The following SPMAP2L variants were observed in gnomAD, a reference collection of about 807,000 sequenced individuals.
SPMAP2L encodes the protein sperm microtubule associated protein 2-like.
the SPMAP2L span, among the ~76,000 whole-genome samples, chr4:56,606,802 A>G: frequency 6.6e-6 from 1 of 152,214 alleles, no homozygotes; most frequent in African/African-American, 2.4e-5. Flanking sequence ...TAATTTAAGC[A>G]TGGGGTGATG....
chr4:56,532,370 CT>C, the SPMAP2L span, among the ~76,000 whole-genome samples: 32,456 of 150,840 alleles, frequency 0.22, 3,781 homozygotes, highest in Admixed American at 0.3. Context: ...AGAATTGTGC[CT>C]TTTTTTTTAA....
chr4:56,580,169 A>C, the SPMAP2L span, among the ~76,000 whole-genome samples: 1 of 152,196 alleles, frequency 6.6e-6, no homozygotes, highest in Non-Finnish European at 1.5e-5. Context: ...TATAATCCAC[A>C]CCAAAATACT....
At chr4:56,597,250 T>G in the SPMAP2L span, among the ~76,000 whole-genome samples, 2 of 152,092 alleles carry the variant, frequency 1.3e-5, no homozygotes, top group Non-Finnish European at 2.9e-5. Flanking sequence ...CACTTGAAAT[T>G]GGGTGGAGCA....
At chr4:56,622,685 CAGG>C in the SPMAP2L span, among the ~76,000 whole-genome samples, 2 of 152,120 alleles carry the variant, frequency 1.3e-5, no homozygotes, top group Non-Finnish European at 2.9e-5. Flanking sequence ...TTGGCTAATC[CAGG>C]AGAACTCAAA....
the SPMAP2L span, among the ~76,000 whole-genome samples, chr4:56,531,760 T>C: frequency 2.6e-5 from 4 of 152,224 alleles, no homozygotes; most frequent in Admixed American, 2.6e-4. Flanking sequence ...ACATCCTTGC[T>C]CTGACCCCAC....
chr4:56,593,769 A>G, the SPMAP2L span: 1 of 1,580,038 alleles, frequency 6.3e-7, no homozygotes. Flanking sequence ...AGGGAGCAAC[A>G]CACTGAGAGA....
At chr4:56,539,554 T>C in the SPMAP2L span, among the ~76,000 whole-genome samples, 1 of 152,142 alleles carries the variant, frequency 6.6e-6, no homozygotes, top group South Asian at 2.1e-4. Flanking sequence ...CCTGAGTAGC[T>C]GGGATTACAG....
the SPMAP2L span, among the ~76,000 whole-genome samples, chr4:56,565,511 C>T: frequency 6.6e-6 from 1 of 152,178 alleles, no homozygotes; most frequent in African/African-American, 2.4e-5. Flanking sequence ...AAGCACACAA[C>T]ACATAGTTTA....
the SPMAP2L span, among the ~76,000 whole-genome samples, chr4:56,555,940 A>G: frequency 6.6e-6 from 1 of 152,194 alleles, no homozygotes; most frequent in African/African-American, 2.4e-5. Flanking sequence ...GTATACACTG[A>G]TAAGAGAGAT....
the SPMAP2L span, among the ~76,000 whole-genome samples, chr4:56,616,518 CAAGT>C: frequency 6.6e-6 from 1 of 152,062 alleles, no homozygotes; most frequent in Non-Finnish European, 1.5e-5. Context: ...GTGGGTTCAC[CAAGT>C]AAGTAATTTA....
chr4:56,584,589 C>A, the SPMAP2L span: 3 of 1,535,034 alleles, frequency 2.0e-6, no homozygotes, highest in Admixed American at 3.9e-5. Context: ...GGCACAGACC[C>A]AAACTATCAT....
the SPMAP2L span, among the ~76,000 whole-genome samples, chr4:56,613,533 C>T: frequency 1.3e-5 from 2 of 152,216 alleles, no homozygotes; most frequent in South Asian, 2.1e-4. Flanking sequence ...CTCAGGCAGG[C>T]GGACATCAAA....
chr4:56,530,977 T>G, the SPMAP2L span: 1 of 1,535,064 alleles, frequency 6.5e-7, no homozygotes, highest in African/African-American at 1.4e-5. Context: ...CTATGCACCT[T>G]ACGAACTCCA....
chr4:56,556,779 G>A, the SPMAP2L span, among the ~76,000 whole-genome samples: 1 of 152,170 alleles, frequency 6.6e-6, no homozygotes, highest in Non-Finnish European at 1.5e-5. Context: ...ATAGGTTGTG[G>A]CAGGAGAATT....
At chr4:56,582,179 T>C in the SPMAP2L span, among the ~76,000 whole-genome samples, 3 of 152,138 alleles carry the variant, frequency 2.0e-5, no homozygotes, top group Non-Finnish European at 4.4e-5. Context: ...TCTAAGCTCA[T>C]GTGACAAAAG....
the SPMAP2L span, among the ~76,000 whole-genome samples, chr4:56,596,021 C>G: frequency 6.6e-6 from 1 of 152,314 alleles, no homozygotes; most frequent in East Asian, 1.9e-4. Flanking sequence ...GGCAAGTTTG[C>G]AGACTTTATA....
chr4:56,592,063 T>C, the SPMAP2L span, among the ~76,000 whole-genome samples: 1 of 152,036 alleles, frequency 6.6e-6, no homozygotes, highest in Admixed American at 6.6e-5. Context: ...AGCAGGAGGG[T>C]GAGTGACCAT....
chr4:56,596,346 T>C, the SPMAP2L span, among the ~76,000 whole-genome samples: 2 of 152,182 alleles, frequency 1.3e-5, no homozygotes, highest in Non-Finnish European at 2.9e-5. Context: ...AATTGATCCT[T>C]TCAGCTGTGA....
At chr4:56,606,952 C>T in the SPMAP2L span, among the ~76,000 whole-genome samples, 1 of 151,900 alleles carries the variant, frequency 6.6e-6, no homozygotes, top group South Asian at 2.1e-4. Flanking sequence ...ATGGTGGAGA[C>T]AGTAAGAAGT....
Sources: allele counts gnomAD v4.1 joint callset (sites outside exome capture counted in the v4.1 genomes callset), GRCh38; gene constraint gnomAD v4.1.1; transcripts MANE v1.5; gene names NCBI Gene and HGNC (gene_info 2026-07-23, HGNC 2026-07-21).